DNAH8: variants seen among roughly 807,000 people sequenced by gnomAD.
DNAH8 encodes the protein axonemal beta dynein heavy chain 8.
Under a neutral mutation model 562.1 loss-of-function variants are expected in DNAH8, and 382 were observed. The ratio of observed to expected loss-of-function variants is 0.68; its 90% confidence interval spans 0.63 to 0.74. DNAH8 has a LOEUF of 0.74. Among genes scored for constraint, DNAH8 ranks in the 30% least tolerant of loss-of-function variants. The pLI, the probability that DNAH8 is intolerant of heterozygous loss-of-function variation, is 0.00. For synonymous variants in DNAH8, 1,881 were observed against 1,919.4 expected (o/e 0.98, Z 0.52); for missense variants, 5,203 against 5,620.4 (o/e 0.93, Z 2.37).
In DNAH8 at chr6:38,862,465, G is replaced by A; in HGVS notation, c.6310+7G>A. The A allele has an allele frequency of 6.3e-7, 1 of 1,595,124 alleles. No individual in the cohort carries two copies. Among genetic ancestry groups the A allele is most frequent in the Non-Finnish European group, 8.5e-7 (1 of 1,172,074 alleles). On this transcript the variant is annotated splice_region_variant and intron_variant, in intron 44 of 92. Coordinates refer to ENST00000327475, the MANE Select transcript of DNAH8 (RefSeq NM_001206927.2). Reference sequence around the variant, plus strand: ...CTAGGAAGGATTTTCAAAGGCAAGTGTCAAATAATGTAGATTATTTTAGGT... The same window carrying A: ...CTAGGAAGGATTTTCAAAGGCAAGTATCAAATAATGTAGATTATTTTAGGT...
At chr6:38,965,401 A>C (rs543633639) in intron 82 of DNAH8, among the ~76,000 whole-genome samples, 1 of 152,304 alleles carries the variant, frequency 6.6e-6, no homozygotes, top group South Asian at 2.1e-4. Flanking sequence ...TGGATTATGC[A>C]TATTAAAAGG....
intron 7 of DNAH8, among the ~76,000 whole-genome samples, chr6:38,739,304 C>G (rs1349639993): frequency 6.6e-6 from 1 of 152,152 alleles, no homozygotes; most frequent in Non-Finnish European, 1.5e-5. Context: ...AAATGTTAAT[C>G]CAGCCTCAAC....
At chr6:38,896,650 A>T (rs1270769927) in intron 60 of DNAH8, among the ~76,000 whole-genome samples, 1 of 152,132 alleles carries the variant, frequency 6.6e-6, no homozygotes, top group Non-Finnish European at 1.5e-5. Context: ...AAGATGACCA[A>T]GCATTATATA....
At chr6:38,978,260 A>T (rs1401114692) in intron 85 of DNAH8, among the ~76,000 whole-genome samples, 1 of 152,200 alleles carries the variant, frequency 6.6e-6, no homozygotes, top group Non-Finnish European at 1.5e-5. Flanking sequence ...GCCCTTAAAA[A>T]TTACTTAGAT....
chr6:38,760,942 G>A (rs1340546527), intron 10 of DNAH8, among the ~76,000 whole-genome samples: 2 of 151,914 alleles, frequency 1.3e-5, no homozygotes, highest in Non-Finnish European at 2.9e-5. Context: ...TTCCTTGATA[G>A]CAATGTAAAT....
In DNAH8 at chr6:38,757,134, C is replaced by G. The variant is rs561452792; in HGVS notation, c.1515+1055C>G. Among the ~76,000 whole-genome samples the G allele has an allele frequency of 2.7e-3, 413 of 152,078 alleles. No homozygotes were observed. The Middle Eastern group carries it at 0.027, about 10-fold the overall frequency. ...ATGGTTGAACTAGTTTACAGTCCCACCAACAGTGTAAAAGTGTTCCTATTT... is the reference window on the plus strand; with the variant it reads ...ATGGTTGAACTAGTTTACAGTCCCAGCAACAGTGTAAAAGTGTTCCTATTT... On this transcript the variant is annotated intron_variant, in intron 10 of 92. Coordinates refer to ENST00000327475, the MANE Select transcript of DNAH8 (RefSeq NM_001206927.2).
chr6:38,915,098 C>A, intron 67 of DNAH8, 103 bp from the exon 68 acceptor site: 2 of 996,302 alleles, frequency 2.0e-6, no homozygotes, highest in Non-Finnish European at 1.4e-6. Context: ...TGTTCTTATT[C>A]GTGTTTTATA....
At chr6:38,865,391 A>G (rs1418173413) in intron 45 of DNAH8, among the ~76,000 whole-genome samples, 1 of 152,244 alleles carries the variant, frequency 6.6e-6, no homozygotes, top group African/African-American at 2.4e-5. Context: ...AGAATTTTAC[A>G]AAAAGCTTAA....
At chr6:38,758,029 A>G (rs1189467091) in intron 10 of DNAH8, among the ~76,000 whole-genome samples, 3 of 152,182 alleles carry the variant, frequency 2.0e-5, no homozygotes, top group Non-Finnish European at 2.9e-5. Flanking sequence ...TTGGTGCCAT[A>G]TGAACTTTAA....
chr6:38,999,926 C>CACACAA (rs1421340742), intron 88 of DNAH8, among the ~76,000 whole-genome samples: 66 of 37,782 alleles, frequency 1.7e-3, no homozygotes, highest in Admixed American at 1.6e-3. Flanking sequence ...TATACACACA[C>CACACAA]ACACACAAAC....
intron 32 of DNAH8, among the ~76,000 whole-genome samples, chr6:38,837,669 T>C (rs1774412158): frequency 6.6e-6 from 1 of 152,192 alleles, no homozygotes; most frequent in Admixed American, 6.5e-5. Flanking sequence ...TTAGATGTAC[T>C]TATGGGAACT....
chr6:38,969,680 G>T (rs1190212158), intron 82 of DNAH8, among the ~76,000 whole-genome samples: 2 of 145,406 alleles, frequency 1.4e-5, no homozygotes, highest in Non-Finnish European at 3.0e-5. Context: ...AATGGATAGG[G>T]GGGTGGTGAG....
At chr6:38,835,782 G>T (rs1022848265) in intron 32 of DNAH8, among the ~76,000 whole-genome samples, 1 of 152,116 alleles carries the variant, frequency 6.6e-6, no homozygotes, top group African/African-American at 2.4e-5. Flanking sequence ...TGGAGGGCCC[G>T]GTAGGCAATA....
chr6:38,955,039 C>T (rs1291086478), intron 82 of DNAH8, among the ~76,000 whole-genome samples: 1 of 152,154 alleles, frequency 6.6e-6, no homozygotes, highest in African/African-American at 2.4e-5. Flanking sequence ...GCAATCATGG[C>T]TCACTAAAGC....
intron 82 of DNAH8, among the ~76,000 whole-genome samples, chr6:38,963,127 T>TA (rs564765398): frequency 1.4e-4 from 21 of 150,806 alleles, no homozygotes; most frequent in South Asian, 4.2e-4. Context: ...CCTGTTGAAA[T>TA]AAAAAAAATC....
chr6:38,778,631 A>G (rs779469491), intron 14 of DNAH8, among the ~76,000 whole-genome samples, 167 bp downstream of exon 14: 12 of 152,236 alleles, frequency 7.9e-5, no homozygotes, highest in Non-Finnish European at 1.3e-4. Flanking sequence ...GATTTGAAAT[A>G]AAGAATGATA....
Position 38,722,820 on chromosome 6 carries a change from A to T in DNAH8, c.11A>T (p.Asp4Val), listed in dbSNP as rs761145538. 1 of 1,590,866 alleles carries T rather than the reference A, an allele frequency of 6.3e-7. No individual in the cohort carries two copies. The highest frequency in any genetic ancestry group is 8.5e-7 in the Non-Finnish European group (1 of 1,169,784). The stretch of plus-strand genomic sequence containing the variant: ...TCCGCACGACGGGGGATGGAGAAGG[A>T]TGCTGAAGATGGCGCCCCTTCTGAG... MEK[D>V]AEDGAPSEGA... Residue 4 changes from aspartate (D) to valine (V), a missense_variant, in exon 2 of 93, where the codon GAT (aspartate) becomes GTT (valine). Asp to Val is a radical substitution (Grantham distance 152). Coordinates refer to ENST00000327475, the MANE Select transcript of DNAH8 (RefSeq NM_001206927.2).
At chr6:38,779,760 A>C (rs1220445446) in intron 14 of DNAH8, among the ~76,000 whole-genome samples, 1 of 152,198 alleles carries the variant, frequency 6.6e-6, no homozygotes, top group Non-Finnish European at 1.5e-5. Flanking sequence ...TACTCTTGGC[A>C]GATGTCTGTC....
intron 56 of DNAH8, 41 bp from the exon 57 acceptor site, chr6:38,886,750 A>G: frequency 1.4e-6 from 2 of 1,424,718 alleles, no homozygotes; most frequent in South Asian, 2.3e-5. Flanking sequence ...GAGGAATATG[A>G]TAGTGATATG....
Sources: gnomAD v4.1 joint callset for allele counts (sites outside exome capture counted in the v4.1 genomes callset) on GRCh38, gnomAD v4.1.1 for gene constraint, MANE v1.5 for transcripts, NCBI Gene and HGNC (gene_info 2026-07-23, HGNC 2026-07-21) for gene names.